Variants in LRP6 observed in about 807,000 individuals in gnomAD.
LRP6 encodes the protein LDL receptor related protein 6.
LRP6 carries 43 observed loss-of-function variants against 184.1 expected under a neutral mutation model. The observed-to-expected ratio is 0.23, with a 90% CI of 0.18 to 0.30. The LOEUF is 0.30. LRP6 is among the 10% of genes least tolerant of loss of function. LRP6 has a pLI of 1.00. For synonymous variants in LRP6, 719 were observed against 684.9 expected, an observed-to-expected ratio of 1.05 and a Z score of -0.78; for missense variants, 1,571 against 2,005.3, an observed-to-expected ratio of 0.78 and a Z score of 4.14.
intron 1 of LRP6, 76 bp downstream of exon 1, chr12:12,266,605 C>G: frequency 8.1e-7 from 1 of 1,238,204 alleles, no homozygotes; most frequent in Non-Finnish European, 1.2e-6. Flanking sequence ...CCGTCCCTCC[C>G]CTCCCCCTAG....
intron 1 of LRP6, among the ~76,000 whole-genome samples, chr12:12,264,293 G>A (rs1865702495): frequency 6.6e-6 from 1 of 152,050 alleles, no homozygotes; most frequent in Non-Finnish European, 1.5e-5. Context: ...CAATAACCCT[G>A]CAAACTAGTC....
At chr12:12,148,891 T>C (rs773295760) in intron 14 of LRP6, 51 bp downstream of exon 14, 113 of 1,289,054 alleles carry the variant, frequency 8.8e-5, no homozygotes, top group Non-Finnish European at 1.2e-4. Flanking sequence ...AAAAGAAGGG[T>C]GAGGAGAGTC....
At chr12:12,131,417 C>T (rs1022606237) in intron 18 of LRP6, among the ~76,000 whole-genome samples, 8 of 152,136 alleles carry the variant, frequency 5.3e-5, no homozygotes, top group Non-Finnish European at 8.8e-5. Flanking sequence ...TTATTCTTTA[C>T]ATTAAATTCC....
chr12:12,178,026 A>G (rs911631426), intron 7 of LRP6, among the ~76,000 whole-genome samples: 113 of 150,576 alleles, frequency 7.5e-4, no homozygotes, highest in African/African-American at 2.3e-3. Context: ...GTCTGTATGT[A>G]TATATATATA....
chr12:12,227,762 GCA>G (rs1217576810), intron 2 of LRP6, among the ~76,000 whole-genome samples: 1 of 152,132 alleles, frequency 6.6e-6, no homozygotes, highest in African/African-American at 2.4e-5. Context: ...AATAGTAACA[GCA>G]CAGTGTAGTC....
At chr12:12,189,614 G>T (rs1863561045) in intron 3 of LRP6, among the ~76,000 whole-genome samples, 1 of 151,984 alleles carries the variant, frequency 6.6e-6, no homozygotes, top group Non-Finnish European at 1.5e-5. Context: ...CAATTCTCCT[G>T]CCTCAGCCTC....
intron 3 of LRP6, among the ~76,000 whole-genome samples, chr12:12,201,105 T>C (rs1353210012): frequency 6.6e-6 from 1 of 152,228 alleles, no homozygotes; most frequent in Non-Finnish European, 1.5e-5. Flanking sequence ...TTTCACATAA[T>C]GTTCAAAAAC....
chr12:12,175,695 AAAAAAT>A (rs1863162828), intron 7 of LRP6, among the ~76,000 whole-genome samples: 1 of 104,374 alleles, frequency 9.6e-6, no homozygotes, highest in South Asian at 4.3e-4. Flanking sequence ...CGTCTCAAAT[AAAAAAT>A]AAAATAAAAT....
intron 15 of LRP6, among the ~76,000 whole-genome samples, chr12:12,140,673 G>A (rs533118664): frequency 6.3e-4 from 93 of 148,708 alleles, no homozygotes; most frequent in East Asian, 2.2e-3. Flanking sequence ...GCTCAATCTC[G>A]CCTCACTGCA....
chr12:12,171,041 C>T (rs540824598), intron 7 of LRP6, among the ~76,000 whole-genome samples: 4 of 152,210 alleles, frequency 2.6e-5, no homozygotes, highest in South Asian at 2.1e-4. Context: ...GCTTAAGACA[C>T]GCTGCAGTCT....
chr12:12,121,368 T>G lies in LRP6; in HGVS notation c.4600A>C (p.Thr1534Pro), dbSNP rs779010191. 1.6e-5 allele frequency: 26 copies of G among 1,613,984 alleles called. No homozygotes were observed. Among genetic ancestry groups the G allele is most frequent in the Non-Finnish European group, 1.9e-5 (23 of 1,180,040 alleles). Residue 1534 changes from threonine (T) to proline (P), a missense_variant, in exon 23 of 23, where the codon ACA becomes CCA. By Grantham distance (38) the Thr-to-Pro change is conservative. Coordinates refer to ENST00000261349, the MANE Select transcript of LRP6 (RefSeq NM_002336.3). ...GCATAGTCACTGTCACAAACATCTGTGCTGCAGGGTGTGGTGGGGGGTGCA... is the reference window on the plus strand; with the variant it reads ...GCATAGTCACTGTCACAAACATCTGGGCTGCAGGGTGTGGTGGGGGGTGCA... ...HFAPPTTPCS[T>P]DVCDSDYAPS...
chr12:12,152,264 G>A (rs1305715822), intron 12 of LRP6, among the ~76,000 whole-genome samples: 1 of 152,158 alleles, frequency 6.6e-6, no homozygotes, highest in African/African-American at 2.4e-5. Flanking sequence ...CCCCAGCCAT[G>A]TGGAACTGTA....
Position 12,159,970 on chromosome 12 carries a change from T to C in LRP6, c.2280-6A>G. ...ATTCAGTCCAATACATAAATCTAAA[T>C]TCAAAATAATAAATATTTAACATTT... On this transcript the variant is annotated splice_polypyrimidine_tract_variant and splice_region_variant and intron_variant, in intron 10 of 22. Coordinates refer to ENST00000261349, the MANE Select transcript of LRP6 (RefSeq NM_002336.3). 6.3e-7 allele frequency: 1 copy of C among 1,588,650 alleles called. No individual in the cohort carries two copies. Among genetic ancestry groups the C allele is most frequent in the Non-Finnish European group, 8.6e-7 (1 of 1,163,680 alleles).
At chr12:12,231,317 A>G (rs1035674799) in intron 2 of LRP6, among the ~76,000 whole-genome samples, 1 of 151,612 alleles carries the variant, frequency 6.6e-6, no homozygotes, top group South Asian at 2.1e-4. Flanking sequence ...CACACAAGAC[A>G]CAGTGTTAGA....
intron 2 of LRP6, among the ~76,000 whole-genome samples, chr12:12,230,429 T>G (rs1864753503): frequency 6.6e-6 from 1 of 152,116 alleles, no homozygotes; most frequent in Non-Finnish European, 1.5e-5. Context: ...AAATCTAGAC[T>G]AAAGGGATGA....
chr12:12,225,100 G>A (rs1304775611), intron 2 of LRP6, among the ~76,000 whole-genome samples: 2 of 152,104 alleles, frequency 1.3e-5, no homozygotes, highest in African/African-American at 2.4e-5. Flanking sequence ...AGCTACTTGG[G>A]AGGCTGAGGC....
chr12:12,132,017 C>T lies in LRP6; in HGVS notation c.3774G>A (p.Thr1258=), dbSNP rs781680814. Residue 1258 remains threonine (T), a synonymous_variant, in exon 18 of 23, where the codon ACG becomes ACA. Coordinates refer to ENST00000261349, the MANE Select transcript of LRP6 (RefSeq NM_002336.3). ...CCACAGGGATACAGTCAATTTCCCCCGTGAAACAAGTAAACTGCTGAGGAG... is the reference window on the plus strand; with the variant it reads ...CCACAGGGATACAGTCAATTTCCCCTGTGAAACAAGTAAACTGCTGAGGAG... ...TCSPQQFTCF[T]GEIDCIPVAW... The T allele has an allele frequency of 4.3e-6, 7 of 1,614,092 alleles. No individual in the cohort carries two copies. The highest frequency in any genetic ancestry group is 5.9e-6 in the Non-Finnish European group (7 of 1,180,016).
chr12:12,233,197 G>T (rs1057162223), intron 2 of LRP6, among the ~76,000 whole-genome samples: 3 of 152,168 alleles, frequency 2.0e-5, no homozygotes, highest in African/African-American at 7.2e-5. Flanking sequence ...TCTGGGCGCG[G>T]TGGCTCATGC....
intron 19 of LRP6, 121 bp downstream of exon 19, chr12:12,130,662 T>G: frequency 4.5e-6 from 3 of 667,692 alleles, no homozygotes; most frequent in Non-Finnish European, 8.0e-6. Context: ...CACAAATAAT[T>G]AGCTTAATAT....
Sources: gnomAD v4.1 joint callset for allele counts (sites outside exome capture counted in the v4.1 genomes callset) on GRCh38, gnomAD v4.1.1 for gene constraint, MANE v1.5 for transcripts, NCBI Gene and HGNC (gene_info 2026-07-23, HGNC 2026-07-21) for gene names.